CCDC146: variants seen among roughly 807,000 people sequenced by gnomAD.
The protein encoded by CCDC146 is coiled-coil domain-containing protein 146.
A neutral mutation model predicts 119.3 loss-of-function variants in CCDC146; 92 were observed. That is an observed-to-expected ratio of 0.77 (90% CI 0.65 to 0.92). The LOEUF (loss-of-function observed/expected upper bound fraction) is 0.92. CCDC146 is among the 40% of genes least tolerant of loss of function. The probability of loss-of-function intolerance (pLI) is 0.00; values close to 1 mark genes in which losing one functional copy is unlikely to be tolerated. For missense variants in CCDC146, 1,000 were observed against 1,103.0 expected, an observed-to-expected ratio of 0.91 and a Z score of 1.32; for synonymous variants, 372 against 371.8, an observed-to-expected ratio of 1.00 and a Z score of -0.01.
chr7:77,184,512 C>G (rs1791634735), intron 2 of CCDC146, among the ~76,000 whole-genome samples: 1 of 152,208 alleles, frequency 6.6e-6, no homozygotes, highest in Non-Finnish European at 1.5e-5. Context: ...ATCACCAACA[C>G]AATTTACTTG....
At chr7:77,261,618 C>T (rs1188307398) in intron 8 of CCDC146, among the ~76,000 whole-genome samples, 1 of 152,106 alleles carries the variant, frequency 6.6e-6, no homozygotes, top group Non-Finnish European at 1.5e-5. Context: ...GCTGGGACTA[C>T]AGGCGCCCGC....
At chr7:77,154,058 CAT>C (rs1386442040) in intron 1 of CCDC146, among the ~76,000 whole-genome samples, 11 of 151,350 alleles carry the variant, frequency 7.3e-5, no homozygotes, top group Non-Finnish European at 1.6e-4. Context: ...CAAAAGGTGA[CAT>C]GTGATATAAT....
At chr7:77,245,484 G>A (rs1009033601) in intron 4 of CCDC146, among the ~76,000 whole-genome samples, 1 of 152,276 alleles carries the variant, frequency 6.6e-6, no homozygotes, top group South Asian at 2.1e-4. Context: ...ATTCTGACCA[G>A]TCTTGGTCAG....
At position 77,282,744 on chromosome 7, in the gene CCDC146, A is replaced by G. The variant is rs767382415; in HGVS notation, c.2107A>G (p.Lys703Glu). ...TGTGACCCAGAAATTACTGCCAGCC[A>G]AGAGGTCCCTGGATGCCGACCTAGC... The part of the protein sequence containing the change: ...ICVTQKLLPA[K>E]RSLDADLAVL... The change falls in exon 15 of 19, where the codon AAG becomes GAG. Residue 703 changes from lysine to glutamate, a missense_variant. Physicochemically the swap from Lys to Glu is moderately conservative, Grantham distance 56. Coordinates refer to ENST00000285871, the MANE Select transcript of CCDC146 (RefSeq NM_020879.3). The G allele has an allele frequency of 1.9e-6, 3 of 1,614,104 alleles. No individual in the cohort carries two copies. Among genetic ancestry groups the G allele is most frequent in the Admixed American group, 1.7e-5 (1 of 60,004 alleles).
intron 2 of CCDC146, chr7:77,197,066 C>G (rs1791886972): frequency 1.3e-5 from 11 of 867,586 alleles, no homozygotes; most frequent in Non-Finnish European, 2.0e-5. Flanking sequence ...TGTACAAAAG[C>G]AGTTTGATAA....
At chr7:77,139,780 T>C (rs973207570) in intron 1 of CCDC146, among the ~76,000 whole-genome samples, 2 of 152,012 alleles carry the variant, frequency 1.3e-5, no homozygotes, top group African/African-American at 4.8e-5. Context: ...TTGTAAGAAA[T>C]CTATTAAAAA....
intron 2 of CCDC146, among the ~76,000 whole-genome samples, chr7:77,181,174 G>A (rs762667928): frequency 3.3e-5 from 5 of 152,302 alleles, no homozygotes; most frequent in Admixed American, 6.5e-5. Flanking sequence ...AGAAGACAGA[G>A]GGAGAGGGCT....
intron 9 of CCDC146, among the ~76,000 whole-genome samples, chr7:77,263,826 A>G (rs534641813): frequency 1.3e-5 from 2 of 152,320 alleles, no homozygotes; most frequent in East Asian, 1.9e-4. Flanking sequence ...TGGGAGGCTG[A>G]GGCAGGAGAA....
Position 77,274,625 on chromosome 7 carries a change from A to G in CCDC146, c.1413A>G (p.Gln471=), listed in dbSNP as rs763950410. 1.1e-5 allele frequency: 17 copies of G among 1,610,520 alleles called. No homozygotes were observed. The South Asian group carries it at 1.8e-4, about 17-fold the overall frequency. ...AAATCAAAATTGATGAAAAGGAACAAAAGTCCAAGGATTTCCTGAAAGCTC... is the reference window on the plus strand; with the variant it reads ...AAATCAAAATTGATGAAAAGGAACAGAAGTCCAAGGATTTCCTGAAAGCTC... ...MTQIKIDEKE[Q]KSKDFLKAQQ... Residue 471 remains glutamine (Q), a synonymous_variant, in exon 11 of 19, where the codon CAA becomes CAG. Coordinates refer to ENST00000285871, the MANE Select transcript of CCDC146 (RefSeq NM_020879.3).
intron 4 of CCDC146, among the ~76,000 whole-genome samples, chr7:77,253,245 A>G (rs1015009423): frequency 6.6e-6 from 1 of 152,232 alleles, no homozygotes; most frequent in Non-Finnish European, 1.5e-5. Context: ...TGAAATATCC[A>G]TTCAGTCTCT....
intron 14 of CCDC146, among the ~76,000 whole-genome samples, chr7:77,281,694 A>C (rs1398672882): frequency 6.6e-6 from 1 of 152,218 alleles, no homozygotes; most frequent in Admixed American, 6.5e-5. Flanking sequence ...AGCTGAGTAC[A>C]ACCACATGCA....
intron 2 of CCDC146, among the ~76,000 whole-genome samples, chr7:77,230,715 G>A (rs766045746): frequency 2.0e-5 from 3 of 151,998 alleles, no homozygotes; most frequent in Non-Finnish European, 4.4e-5. Flanking sequence ...ATATCTTTTT[G>A]TTGATTCTAC....
intron 2 of CCDC146, among the ~76,000 whole-genome samples, chr7:77,186,676 A>G (rs1181366407): frequency 3.3e-5 from 5 of 152,158 alleles, no homozygotes; most frequent in African/African-American, 9.6e-5. Flanking sequence ...GAATGCCCCT[A>G]TAAACACTTC....
chr7:77,286,196 A>G (rs1793844530), intron 15 of CCDC146, among the ~76,000 whole-genome samples: 2 of 152,208 alleles, frequency 1.3e-5, no homozygotes, highest in Admixed American at 6.5e-5. Context: ...TGGAAAGCAA[A>G]GGGGGCGCAG....
chr7:77,153,436 T>C (rs1791135115), intron 1 of CCDC146, among the ~76,000 whole-genome samples: 1 of 151,112 alleles, frequency 6.6e-6, no homozygotes, highest in African/African-American at 2.4e-5. Context: ...CTTTTTTTTT[T>C]TTTTTTTAAC....
At chr7:77,248,612 T>C (rs1299252240) in intron 4 of CCDC146, among the ~76,000 whole-genome samples, 1 of 152,220 alleles carries the variant, frequency 6.6e-6, no homozygotes, top group Non-Finnish European at 1.5e-5. Context: ...TATGACTTCT[T>C]TGGCACTTAA....
intron 1 of CCDC146, among the ~76,000 whole-genome samples, chr7:77,152,725 G>A (rs1401326277): frequency 3.3e-5 from 5 of 152,078 alleles, no homozygotes; most frequent in Admixed American, 6.6e-5. Flanking sequence ...ATGCCTAAAA[G>A]GACCCAGATC....
intron 9 of CCDC146, among the ~76,000 whole-genome samples, chr7:77,264,383 A>T (rs1181467303): frequency 6.6e-6 from 1 of 152,084 alleles, no homozygotes; most frequent in East Asian, 1.9e-4. Flanking sequence ...TCAGCCTCCC[A>T]AGAAGCTGGG....
intron 2 of CCDC146, among the ~76,000 whole-genome samples, chr7:77,201,835 G>A (rs1311033233): frequency 6.6e-6 from 1 of 151,910 alleles, no homozygotes; most frequent in Admixed American, 6.6e-5. Flanking sequence ...TTTTCAAGCT[G>A]TGACACTTCC....
Sources: allele counts gnomAD v4.1 joint callset (sites outside exome capture counted in the v4.1 genomes callset), GRCh38; gene constraint gnomAD v4.1.1; transcripts MANE v1.5; gene names NCBI Gene and HGNC (gene_info 2026-07-23, HGNC 2026-07-21).